TMEM238: variants seen among roughly 807,000 people sequenced by gnomAD.
TMEM238 encodes the protein transmembrane protein 238.
For synonymous variants in TMEM238, 103 were observed against 111.5 expected, an observed-to-expected ratio of 0.92 and a Z score of 0.48; for missense variants, 169 against 206.8, an observed-to-expected ratio of 0.82 and a Z score of 1.12.
intron 1 of TMEM238, among the ~76,000 whole-genome samples, chr19:55,380,943 T>C (rs911646960): frequency 6.6e-6 from 1 of 152,176 alleles, no homozygotes; most frequent in African/African-American, 2.4e-5. Context: ...CAGGTGCTTA[T>C]GTTTGCATTC....
At position 55,383,803 on chromosome 19, in the gene TMEM238, CG is replaced by C. The variant is rs2089895794; in HGVS notation, c.456del (p.Gly153AlafsTer39). The C allele has an allele frequency of 2.9e-6, 1 of 347,848 alleles. No individual in the cohort carries two copies. The allele number at this position is 347,848 out of a possible 1,614,324, so 21.5% of individuals were successfully genotyped here. ...AGCTGCAGGCGCACGCGGCGGGAGCCGGCGGCGGGCGGCGGGGGCGCGCGGG... is the reference window on the plus strand; with the variant it reads ...AGCTGCAGGCGCACGCGGCGGGAGCCGCGGCGGGCGGCGGGGGCGCGCGGG... ...RAARAPPPPA[A>X]GSRRVRLQLA... On this transcript the variant is annotated frameshift_variant, in exon 1 of 2. Transcript: ENST00000444469. LOFTEE classifies it low-confidence loss of function (END_TRUNC). The surrounding 1 kb of genome is among the most constrained non-coding windows in gnomAD (Gnocchi z 4.9).
In TMEM238 at chr19:55,383,511, G is replaced by T. The variant is rs2123264913; in HGVS notation, c.*7+211C>A. ...CACACTTCCCATCTCCAGGGGCAGG[G>T]TCTCACAGCCTCCCCCACGTATGCA... On this transcript the variant is annotated intron_variant, in intron 1 of 1. Coordinates refer to ENST00000444469, the MANE Select transcript of TMEM238 (RefSeq NM_001190764.2). The surrounding 1 kb of genome is among the most constrained non-coding windows in gnomAD (Gnocchi z 4.9). 1.3e-5 allele frequency among the ~76,000 whole-genome samples: 2 copies of T among 152,264 alleles called. No homozygotes were observed. The highest frequency in any genetic ancestry group is 4.1e-4 in the South Asian group (2 of 4,830).
Position 55,384,239 on chromosome 19 carries a change from C to T in TMEM238, c.21G>A (p.Val7=). The T allele has an allele frequency of 9.0e-7, 1 of 1,115,734 alleles. No homozygotes were observed. The highest frequency in any genetic ancestry group is 1.1e-6 in the Non-Finnish European group (1 of 916,574). The allele number at this position is 1,115,734 out of a possible 1,614,324, so 69.1% of individuals were successfully genotyped here. A position where few individuals can be genotyped will look rare whatever the true frequency, so the allele number is the denominator to read the frequency against. ...CCGGCGGGCTCCCCTGCGAGGCGCA[C>T]ACCGCTGGCGCCGCCGCCATGGCCC... MAAAPA[V]CASQGSPPGA... is the part of the protein sequence containing the mutation. Residue 7 remains valine (V), a synonymous_variant, in exon 1 of 2, where the codon GTG becomes GTA. Transcript: ENST00000444469. The surrounding 1 kb of genome is among the most constrained non-coding windows in gnomAD (Gnocchi z 5.6).
intron 1 of TMEM238, among the ~76,000 whole-genome samples, chr19:55,381,399 C>A (rs1018801923): frequency 2.6e-4 from 23 of 90,040 alleles, no homozygotes; most frequent in Non-Finnish European, 3.7e-4. Context: ...GCCTGGACAA[C>A]AAGAGTGTAA....
chr19:55,382,470 A>G (rs1232860057), intron 1 of TMEM238, among the ~76,000 whole-genome samples: 1 of 152,222 alleles, frequency 6.6e-6, no homozygotes, highest in Non-Finnish European at 1.5e-5. Flanking sequence ...TCGCTCAGAC[A>G]ATATGAAGAC....
At position 55,383,398 on chromosome 19, in the gene TMEM238, AAAC is replaced by A. The variant is rs897502389; in HGVS notation, c.*7+321_*7+323del. Among the ~76,000 whole-genome samples the A allele has an allele frequency of 6.6e-6, 1 of 151,650 alleles. No homozygotes were observed. Among genetic ancestry groups the A allele is most frequent in the African/African-American group, 2.4e-5 (1 of 41,242 alleles). Reference sequence around the variant, plus strand: ...CTCAAAACAACCCCAAACGACAACAAAACAAAACAAAACAAAAAATGGGGCCTG... The same window carrying A: ...CTCAAAACAACCCCAAACGACAACAAAAAACAAAACAAAAAATGGGGCCTG... On this transcript the variant is annotated intron_variant, in intron 1 of 1. Transcript: ENST00000444469. This position sits in a 1 kb window ranked among gnomAD's most constrained non-coding sequence, Gnocchi z 4.9.
chr19:55,384,115 T>G lies in TMEM238; in HGVS notation c.145A>C (p.Met49Leu), dbSNP rs1323819549. The G allele has an allele frequency of 6.9e-7, 1 of 1,448,348 alleles. No individual in the cohort carries two copies. Among genetic ancestry groups the G allele is most frequent in the Admixed American group, 2.2e-5 (1 of 45,960 alleles). The allele number at this position is 1,448,348 out of a possible 1,614,324, so 89.7% of individuals were successfully genotyped here. ...LLAVALDVAG[M>L]AALLTGVFAQ... ...AACACGCCGGTCAGCAGCGCCGCCA[T>G]GCCCGCCACATCCAGCGCCACGGCC... The change falls in exon 1 of 2, where the codon ATG becomes CTG. Residue 49 changes from methionine (M) to leucine (L), a missense_variant. Physicochemically the swap from Met to Leu is conservative, Grantham distance 15. Transcript: ENST00000444469. The surrounding 1 kb of genome is among the most constrained non-coding windows in gnomAD (Gnocchi z 5.6).
chr19:55,379,668 A>G (rs1372699983), intron 1 of TMEM238, among the ~76,000 whole-genome samples: 2 of 152,146 alleles, frequency 1.3e-5, no homozygotes, highest in Non-Finnish European at 2.9e-5. Context: ...GGACAAAGAA[A>G]GAGACCTGGG....
chr19:55,383,853 CCGGGCGCGGGGCGCTGGCCCGCGGCGG>C lies in TMEM238; in HGVS notation c.380_406del (p.Ala127_Pro135del), dbSNP rs1212351726. 2 of 869,246 alleles carry C rather than the reference CCGGGCGCGGGGCGCTGGCCCGCGGCGG, an allele frequency of 2.3e-6. No homozygotes were observed. Among genetic ancestry groups the C allele is most frequent in the Admixed American group, 6.2e-5 (1 of 16,182 alleles). 53.8% of individuals were successfully genotyped at this position (869,246 alleles called of 1,614,324 possible). On this transcript the variant is annotated inframe_deletion, in exon 1 of 2. Coordinates refer to ENST00000444469, the MANE Select transcript of TMEM238 (RefSeq NM_001190764.2). This position sits in a 1 kb window ranked among gnomAD's most constrained non-coding sequence, Gnocchi z 4.9. ...GGCGGCTCGGCGCGCTCTCCGGGAG[CCGGGCGCGGGGCGCTGGCCCGCGGCGG>C]CGGGCGCCGACCAGCGGCGGGAGAG...
chr19:55,381,058 G>A (rs1001597950), intron 1 of TMEM238, among the ~76,000 whole-genome samples: 3 of 152,162 alleles, frequency 2.0e-5, no homozygotes, highest in Non-Finnish European at 2.9e-5. Context: ...ATATGATTGG[G>A]GTGACTATTT....
intron 1 of TMEM238, among the ~76,000 whole-genome samples, chr19:55,382,190 T>C (rs1314271598): frequency 2.6e-5 from 4 of 151,372 alleles, no homozygotes. Flanking sequence ...TATCAATCTA[T>C]CATCCATTCA....
chr19:55,384,231 G>A lies in TMEM238; in HGVS notation c.29C>T (p.Ser10Leu). Residue 10 changes from serine (S) to leucine (L), a missense_variant, in exon 1 of 2, where the codon TCG becomes TTG. By Grantham distance (145) the Ser-to-Leu change is moderately radical. Coordinates refer to ENST00000444469, the MANE Select transcript of TMEM238 (RefSeq NM_001190764.2). The surrounding 1 kb of genome is among the most constrained non-coding windows in gnomAD (Gnocchi z 5.6). ...CGGTGCACCCGGCGGGCTCCCCTGC[G>A]AGGCGCACACCGCTGGCGCCGCCGC... MAAAPAVCA[S>L]QGSPPGAPSA... 1 of 1,130,980 alleles carries A rather than the reference G, an allele frequency of 8.8e-7. No individual in the cohort carries two copies. Among genetic ancestry groups the A allele is most frequent in the Non-Finnish European group, 1.1e-6 (1 of 926,732 alleles). The allele number at this position is 1,130,980 out of a possible 1,614,324, so 70.1% of individuals were successfully genotyped here.
intron 1 of TMEM238, among the ~76,000 whole-genome samples, chr19:55,381,173 C>G (rs1341289288): frequency 4.6e-5 from 7 of 151,938 alleles, no homozygotes; most frequent in African/African-American, 1.7e-4. Context: ...AATCCCAGCA[C>G]TTTGGGTGGC....
intron 1 of TMEM238, among the ~76,000 whole-genome samples, chr19:55,381,372 T>C (rs1375293150): frequency 1.5e-5 from 2 of 134,840 alleles, no homozygotes. Flanking sequence ...GAGCCGAGAT[T>C]GCGCCACTGC....
Position 55,381,562 on chromosome 19 carries a change from T to C in TMEM238, c.*7+2160A>G, listed in dbSNP as rs80327768. 6.7e-3 allele frequency among the ~76,000 whole-genome samples: 1,022 copies of C among 152,044 alleles called. 12 individuals are homozygous for C. The highest frequency in any genetic ancestry group is 0.024 in the African/African-American group (996 of 41,482). ...ATCCATGTGCCATTAAATGCATTCA[T>C]CCACTCATCTGTGTACTTATCATTC... On this transcript the variant is annotated intron_variant, in intron 1 of 1. Transcript: ENST00000444469.
rs2089894049 is a variant in TMEM238 at position 55,383,514 on chromosome 19, TCA to T, written c.*7+206_*7+207del. ...ACTTCCCATCTCCAGGGGCAGGGTCTCACAGCCTCCCCCACGTATGCACCTGT... is the reference window on the plus strand; with the variant it reads ...ACTTCCCATCTCCAGGGGCAGGGTCTCAGCCTCCCCCACGTATGCACCTGT... On this transcript the variant is annotated intron_variant, in intron 1 of 1. Coordinates refer to ENST00000444469, the MANE Select transcript of TMEM238 (RefSeq NM_001190764.2). This position sits in a 1 kb window ranked among gnomAD's most constrained non-coding sequence, Gnocchi z 4.9. Among the ~76,000 whole-genome samples the T allele has an allele frequency of 6.6e-6, 1 of 152,160 alleles. No individual in the cohort carries two copies. Among genetic ancestry groups the T allele is most frequent in the African/African-American group, 2.4e-5 (1 of 41,450 alleles).
chr19:55,381,375 G>A (rs969778969), intron 1 of TMEM238, among the ~76,000 whole-genome samples: 3 of 125,332 alleles, frequency 2.4e-5, no homozygotes, highest in Admixed American at 1.1e-4. Flanking sequence ...CCGAGATTGC[G>A]CCACTGCACT....
chr19:55,383,665 A>AT lies in TMEM238; in HGVS notation c.*7+56dup. On this transcript the variant is annotated intron_variant, in intron 1 of 1. Coordinates refer to ENST00000444469, the MANE Select transcript of TMEM238 (RefSeq NM_001190764.2). This position sits in a 1 kb window ranked among gnomAD's most constrained non-coding sequence, Gnocchi z 4.9. ...GTCCATCGCTCCCCCGTCTGTCTCC[A>AT]TTCCCGTCCCTCCCTCGGTCCCTCC... The AT allele has an allele frequency of 4.0e-6, 1 of 251,788 alleles. No homozygotes were observed. Among genetic ancestry groups the AT allele is most frequent in the Non-Finnish European group, 7.7e-6 (1 of 130,086 alleles). 15.6% of individuals were successfully genotyped at this position (251,788 alleles called of 1,614,324 possible).
rs554777345 is a variant in TMEM238, at chr19:55,382,518, CAT to C, written c.*7+1202_*7+1203del. Among the ~76,000 whole-genome samples the C allele has an allele frequency of 1.5e-4, 23 of 152,230 alleles. No individual in the cohort carries two copies. The South Asian group carries it at 4.6e-3, about 30-fold the overall frequency. On this transcript the variant is annotated intron_variant, in intron 1 of 1. Coordinates refer to ENST00000444469, the MANE Select transcript of TMEM238 (RefSeq NM_001190764.2). ...CAGAGAAATTAAGTTAAATCTTAAA[CAT>C]GTGAGAAGTTTTCTGGGTGGAGTGG...
Sources: gnomAD v4.1 joint callset for allele counts (sites outside exome capture counted in the v4.1 genomes callset) on GRCh38, gnomAD v4.1.1 for gene constraint, Gnocchi (gnomAD v3.1) non-coding constraint, MANE v1.5 for transcripts, NCBI Gene and HGNC (gene_info 2026-07-23, HGNC 2026-07-21) for gene names.